Variants in CCND2 observed in about 807,000 individuals in gnomAD.
CCND2 encodes the protein cyclin D2.
In CCND2, 6 loss-of-function variants were observed where a neutral mutation model predicts 30.2. That is an observed-to-expected ratio of 0.20 (90% CI 0.11 to 0.39). The LOEUF (loss-of-function observed/expected upper bound fraction) is 0.39, where lower values mean the gene tolerates loss of function less well. Among genes scored for constraint, CCND2 ranks in the 10% least tolerant of loss-of-function variants. CCND2 has a pLI of 1.00. For synonymous variants in CCND2, 150 were observed against 153.1 expected (o/e 0.98, Z 0.15); for missense variants, 235 against 373.4 (o/e 0.63, Z 3.06).
In CCND2 at chr12:4,276,581, A is replaced by G. The variant is rs1038187868; in HGVS notation, c.411+361A>G. Among the ~76,000 whole-genome samples the G allele has an allele frequency of 1.3e-5, 2 of 152,224 alleles. No homozygotes were observed. The highest frequency in any genetic ancestry group is 4.8e-5 in the African/African-American group (2 of 41,458). On this transcript the variant is annotated intron_variant, in intron 2 of 4. Coordinates refer to ENST00000261254, the MANE Select transcript of CCND2 (RefSeq NM_001759.4). This position sits in a 1 kb window ranked among gnomAD's most constrained non-coding sequence, Gnocchi z 4.8. ...TTAATTAAATTCCAAATTTCCAAAAATAGTCTGAGAACGTGTTCACATGAT... is the reference window on the plus strand; with the variant it reads ...TTAATTAAATTCCAAATTTCCAAAAGTAGTCTGAGAACGTGTTCACATGAT...
chr12:4,275,927 CTTTT>C, intron 1 of CCND2, 74 bp from the exon 2 acceptor site: 1 of 941,596 alleles, frequency 1.1e-6, no homozygotes, highest in South Asian at 1.8e-5. Flanking sequence ...ATAGATTACG[CTTTT>C]TTATTCTTTT....
At chr12:4,294,838 C>A (rs1159249119) in intron 4 of CCND2, among the ~76,000 whole-genome samples, 1 of 152,202 alleles carries the variant, frequency 6.6e-6, no homozygotes, top group Admixed American at 6.5e-5. Context: ...CCTTTGGAAG[C>A]ACTAACTCCA....
rs191953091 is a variant in CCND2 at position 4,285,073 on chromosome 12, T to G, written c.572-3769T>G. ...TTTCTTTGAGAAGTTTCTTCAGAAG[T>G]TATCCATATAGTAGTACAGACCTAG... On this transcript the variant is annotated intron_variant, in intron 3 of 4. Coordinates refer to ENST00000261254, the MANE Select transcript of CCND2 (RefSeq NM_001759.4). This position sits in a 1 kb window ranked among gnomAD's most constrained non-coding sequence, Gnocchi z 4.1. Among the ~76,000 whole-genome samples, 14 of 152,306 alleles carry G rather than the reference T, an allele frequency of 9.2e-5. No individual in the cohort carries two copies. The highest frequency in any genetic ancestry group is 3.1e-4 in the African/African-American group (13 of 41,572).
chr12:4,291,080 A>C (rs1160165461), intron 4 of CCND2, among the ~76,000 whole-genome samples: 1 of 152,088 alleles, frequency 6.6e-6, no homozygotes, highest in Admixed American at 6.5e-5. Context: ...TGTACAATTC[A>C]TAACACTTTT....
chr12:4,285,495 C>T lies in CCND2; in HGVS notation c.572-3347C>T. 2.3e-6 allele frequency: 2 copies of T among 851,400 alleles called. No homozygotes were observed. Among genetic ancestry groups the T allele is most frequent in the Non-Finnish European group, 2.8e-6 (2 of 707,626 alleles). The allele number at this position is 851,400 out of a possible 1,614,324, so 52.7% of individuals were successfully genotyped here. A position where few individuals can be genotyped will look rare whatever the true frequency, so the allele number is the denominator to read the frequency against. On this transcript the variant is annotated intron_variant, in intron 3 of 4. Transcript: ENST00000261254. The surrounding 1 kb of genome is among the most constrained non-coding windows in gnomAD (Gnocchi z 4.1). ...ATTTTACAAACTCATCTGTGTTTCT[C>T]CCACCTAACAGAACAGCTTTTATTT... is the stretch of plus-strand genomic sequence containing the variant.
At chr12:4,298,929 C>A (rs1864210573) in intron 4 of CCND2, among the ~76,000 whole-genome samples, 1 of 152,206 alleles carries the variant, frequency 6.6e-6, no homozygotes, top group Non-Finnish European at 1.5e-5. Context: ...TAGACTGATA[C>A]TAAAGCAAGG....
In CCND2 at chr12:4,285,577, G is replaced by C; in HGVS notation, c.572-3265G>C. 1 of 268,866 alleles carries C rather than the reference G, an allele frequency of 3.7e-6. No homozygotes were observed. Among genetic ancestry groups the C allele is most frequent in the Non-Finnish European group, 5.7e-6 (1 of 174,828 alleles). The allele number at this position is 268,866 out of a possible 1,614,324, so 16.7% of individuals were successfully genotyped here. On this transcript the variant is annotated intron_variant, in intron 3 of 4. Coordinates refer to ENST00000261254, the MANE Select transcript of CCND2 (RefSeq NM_001759.4). The surrounding 1 kb of genome is among the most constrained non-coding windows in gnomAD (Gnocchi z 4.1). ...TATATGTATGTATTTACCCATGGTTGTAATCTTCATCGTCGCATGCATGCA... is the reference window on the plus strand; with the variant it reads ...TATATGTATGTATTTACCCATGGTTCTAATCTTCATCGTCGCATGCATGCA...
At position 4,304,678 on chromosome 12, in the gene CCND2, GTGCATGCTGTAGCTGCAGCC is replaced by G. The variant is rs1340894722; in HGVS notation, c.*4675_*4694del. 53 of 233,564 alleles carry G rather than the reference GTGCATGCTGTAGCTGCAGCC, an allele frequency of 2.3e-4. No individual in the cohort carries two copies. The highest frequency in any genetic ancestry group is 5.1e-5 in the Non-Finnish European group (6 of 118,056). The allele number at this position is 233,564 out of a possible 1,614,324, so 14.5% of individuals were successfully genotyped here. A position where few individuals can be genotyped will look rare whatever the true frequency, so the allele number is the denominator to read the frequency against. On this transcript the variant is annotated 3_prime_UTR_variant, in exon 5 of 5. Coordinates refer to ENST00000261254, the MANE Select transcript of CCND2 (RefSeq NM_001759.4). This position sits in a 1 kb window ranked among gnomAD's most constrained non-coding sequence, Gnocchi z 6.2. ...TGAGAAGCCATCAGCAAATGTGTACGTGCATGCTGTAGCTGCAGCCTGCATCCCTTCGCCTGCAGCCTACT... is the reference window on the plus strand; with the variant it reads ...TGAGAAGCCATCAGCAAATGTGTACGTGCATCCCTTCGCCTGCAGCCTACT...
At chr12:4,295,332 G>A (rs780894267) in intron 4 of CCND2, among the ~76,000 whole-genome samples, 2 of 152,234 alleles carry the variant, frequency 1.3e-5, no homozygotes, top group Non-Finnish European at 2.9e-5. Flanking sequence ...CCTGAAGGAA[G>A]GTTAGGTGGA....
chr12:4,294,762 G>A (rs1864145256), intron 4 of CCND2, among the ~76,000 whole-genome samples: 1 of 152,168 alleles, frequency 6.6e-6, no homozygotes, highest in Admixed American at 6.5e-5. Flanking sequence ...GATTTCCAGA[G>A]GCCCTTTGGA....
rs1864227908 is a variant in CCND2 at position 4,300,096 on chromosome 12, G to A, written c.*87G>A. 7.3e-7 allele frequency: 1 copy of A among 1,371,794 alleles called. No homozygotes were observed. The highest frequency in any genetic ancestry group is 1.5e-5 in the African/African-American group (1 of 68,448). The allele number at this position is 1,371,794 out of a possible 1,614,324, so 85.0% of individuals were successfully genotyped here. A position where few individuals can be genotyped will look rare whatever the true frequency, so the allele number is the denominator to read the frequency against. On this transcript the variant is annotated 3_prime_UTR_variant, in exon 5 of 5. Transcript: ENST00000261254. ...TTGTTTTTGTTCTTTGTGTTTTAGG[G>A]TGAAACTTAAAAAAAAAATTCTGCC...
intron 3 of CCND2, among the ~76,000 whole-genome samples, chr12:4,280,174 G>A (rs1005722563): frequency 1.3e-5 from 2 of 152,392 alleles, no homozygotes; most frequent in Admixed American, 6.5e-5. Flanking sequence ...GGTGATGCAC[G>A]TGGACGTGCT....
chr12:4,289,051 A>G, intron 4 of CCND2, 61 bp downstream of exon 4: 1 of 1,474,056 alleles, frequency 6.8e-7, no homozygotes, highest in South Asian at 1.3e-5. Context: ...AGGGAAGGAG[A>G]CGACGGATTT....
chr12:4,297,570 C>CAAAAAA (rs71061177), intron 4 of CCND2, among the ~76,000 whole-genome samples: 1 of 74,748 alleles, frequency 1.3e-5, no homozygotes, highest in Non-Finnish European at 2.4e-5. Context: ...CACTCTGTCT[C>CAAAAAA]AAAAAAAAAA....
rs191188561 is a variant in CCND2, at chr12:4,296,518, G to A, written c.721-3342G>A. Reference sequence around the variant, plus strand: ...TGTCTACCACGCCTCGTGTGCACACGCACACACACGCAAGTTCCCTCAGTC... The same window carrying A: ...TGTCTACCACGCCTCGTGTGCACACACACACACACGCAAGTTCCCTCAGTC... On this transcript the variant is annotated intron_variant, in intron 4 of 4. Coordinates refer to ENST00000261254, the MANE Select transcript of CCND2 (RefSeq NM_001759.4). Among the ~76,000 whole-genome samples, 350 of 152,304 alleles carry A rather than the reference G, an allele frequency of 2.3e-3. 3 individuals are homozygous for A. The highest frequency in any genetic ancestry group is 8.1e-3 in the African/African-American group (335 of 41,576).
Position 4,282,793 on chromosome 12 carries a change from C to A in CCND2, c.571+3874C>A, listed in dbSNP as rs1863967375. Among the ~76,000 whole-genome samples, 1 of 152,228 alleles carries A rather than the reference C, an allele frequency of 6.6e-6. No individual in the cohort carries two copies. Among genetic ancestry groups the A allele is most frequent in the Admixed American group, 6.5e-5 (1 of 15,292 alleles). On this transcript the variant is annotated intron_variant, in intron 3 of 4. Coordinates refer to ENST00000261254, the MANE Select transcript of CCND2 (RefSeq NM_001759.4). This position sits in a 1 kb window ranked among gnomAD's most constrained non-coding sequence, Gnocchi z 4.3. The stretch of plus-strand genomic sequence containing the variant: ...TTGCATGGGCATTCCCTTGCCATGG[C>A]AGCCCTGCCCCACAAGGACAGGGTA...
In CCND2 at chr12:4,287,261, A is replaced by G. The variant is rs959074858; in HGVS notation, c.572-1581A>G. On this transcript the variant is annotated intron_variant, in intron 3 of 4. Transcript: ENST00000261254. The surrounding 1 kb of genome is among the most constrained non-coding windows in gnomAD (Gnocchi z 4.0). ...GGGAGGGGAGGGCTGTGCTTGGCTCAGGGATCCACGGTGTCTAACAATGCT... is the reference window on the plus strand; with the variant it reads ...GGGAGGGGAGGGCTGTGCTTGGCTCGGGGATCCACGGTGTCTAACAATGCT... Among the ~76,000 whole-genome samples, 2 of 152,188 alleles carry G rather than the reference A, an allele frequency of 1.3e-5. No individual in the cohort carries two copies. Among genetic ancestry groups the G allele is most frequent in the African/African-American group, 4.8e-5 (2 of 41,440 alleles).
At chr12:4,281,385 G>A (rs1194156961) in intron 3 of CCND2, among the ~76,000 whole-genome samples, 4 of 152,198 alleles carry the variant, frequency 2.6e-5, no homozygotes, top group South Asian at 2.1e-4. Flanking sequence ...ATGGAGAGGC[G>A]ATTGTGCATT....
intron 4 of CCND2, among the ~76,000 whole-genome samples, chr12:4,297,469 G>A (rs1864186814): frequency 6.6e-6 from 1 of 150,834 alleles, no homozygotes; most frequent in African/African-American, 2.4e-5. Flanking sequence ...TGCTCGGGAG[G>A]CTGAGGAAGG....
Sources: gnomAD v4.1 joint callset for allele counts (sites outside exome capture counted in the v4.1 genomes callset) on GRCh38, gnomAD v4.1.1 for gene constraint, Gnocchi (gnomAD v3.1) non-coding constraint, MANE v1.5 for transcripts, NCBI Gene and HGNC (gene_info 2026-07-23, HGNC 2026-07-21) for gene names.